Variants in RBL2 observed in about 807,000 individuals in gnomAD.
RBL2 encodes the protein retinoblastoma-like protein 2.
A neutral mutation model predicts 126.0 loss-of-function variants in RBL2; 56 were observed. The ratio of observed to expected loss-of-function variants is 0.44; its 90% CI spans 0.36 to 0.56. The LOEUF (loss-of-function observed/expected upper bound fraction) is 0.56, where lower values mean the gene tolerates loss of function less well. Ranked by LOEUF, RBL2 falls within the 20% of genes least tolerant of loss-of-function variation. The pLI, the probability that RBL2 is intolerant of heterozygous loss-of-function variation, is 0.00. For synonymous variants in RBL2, 454 were observed against 478.5 expected, an observed-to-expected ratio of 0.95 and a Z score of 0.67; for missense variants, 1,229 against 1,398.2, an observed-to-expected ratio of 0.88 and a Z score of 1.93.
chr16:53,466,623 G>C (rs1164458333), intron 13 of RBL2, among the ~76,000 whole-genome samples: 1 of 152,054 alleles, frequency 6.6e-6, no homozygotes, highest in Non-Finnish European at 1.5e-5. Context: ...ACACTCCTGT[G>C]AGAATCTAAT....
intron 17 of RBL2, among the ~76,000 whole-genome samples, chr16:53,478,708 A>G (rs1351192768): frequency 6.6e-6 from 1 of 152,042 alleles, no homozygotes; most frequent in Non-Finnish European, 1.5e-5. Flanking sequence ...TGCAACCTCC[A>G]TCTCCCAGGT....
intron 21 of RBL2, among the ~76,000 whole-genome samples, chr16:53,483,816 G>A (rs1961049451): frequency 6.6e-6 from 1 of 151,846 alleles, no homozygotes; most frequent in African/African-American, 2.4e-5. Context: ...GGCAAAGTTT[G>A]CAGTGAGCTG....
rs774110791 is a variant in RBL2 at position 53,459,621 on chromosome 16, A to G, written c.1346+4A>G. ...AGAAACTGGAACAGATTCTCAGGTT[A>G]GTTTGAGCCCTGTCTGCTTTCTAAG... On this transcript the variant is annotated splice_donor_region_variant and intron_variant, in intron 9 of 21. Coordinates refer to ENST00000262133, the MANE Select transcript of RBL2 (RefSeq NM_005611.4). The G allele has an allele frequency of 6.5e-7, 1 of 1,540,584 alleles. No individual in the cohort carries two copies. Among genetic ancestry groups the G allele is most frequent in the South Asian group, 1.2e-5 (1 of 81,106 alleles).
chr16:53,471,631 G>A (rs549380604), intron 17 of RBL2, among the ~76,000 whole-genome samples: 1 of 152,136 alleles, frequency 6.6e-6, no homozygotes, highest in South Asian at 2.1e-4. Context: ...ACCATGCCTG[G>A]CTAATTTTTG....
intron 12 of RBL2, 131 bp downstream of exon 12, chr16:53,464,494 T>C (rs2058253095): frequency 1.3e-6 from 1 of 743,602 alleles, no homozygotes; most frequent in Non-Finnish European, 2.0e-6. Context: ...TCTCTATTTG[T>C]GGAGTAGAAA....
In RBL2 at chr16:53,470,809, T is replaced by G; in HGVS notation, c.2590T>G (p.Leu864Val). ...LCAKLDISDE[L>V]RKKIWTCFEF... ...TGCCAAACTAGATATTTCAGATGAA[T>G]TGAGGAAAAAAATCTGGACCTGCTT... The change falls in exon 17 of 22, where the codon TTG (leucine) becomes GTG (valine). Residue 864 changes from leucine to valine, a missense_variant. Transcript: ENST00000262133. 1 of 1,613,950 alleles carries G rather than the reference T, an allele frequency of 6.2e-7. No individual in the cohort carries two copies. Among genetic ancestry groups the G allele is most frequent in the South Asian group, 1.1e-5 (1 of 91,080 alleles).
intron 4 of RBL2, among the ~76,000 whole-genome samples, chr16:53,450,027 G>C (rs953271413): frequency 1.4e-4 from 20 of 143,142 alleles, no homozygotes; most frequent in Non-Finnish European, 2.9e-4. Context: ...TTGTTGGTGT[G>C]ATGGGCTTTG....
chr16:53,442,361 G>T (rs975284408), intron 2 of RBL2, among the ~76,000 whole-genome samples: 2 of 152,084 alleles, frequency 1.3e-5, no homozygotes, highest in African/African-American at 4.8e-5. Flanking sequence ...AAAAAATCTG[G>T]CAGTGAACCA....
chr16:53,470,491 T>A lies in RBL2; in HGVS notation c.2354T>A (p.Leu785Gln). 3 of 1,614,156 alleles carry A rather than the reference T, an allele frequency of 1.9e-6. No homozygotes were observed. Among genetic ancestry groups the A allele is most frequent in the Non-Finnish European group, 2.5e-6 (3 of 1,180,024 alleles). Residue 785 changes from leucine to glutamine, a missense_variant, in exon 16 of 22, where the codon CTG (leucine) becomes CAG (glutamine). By Grantham distance (113) the Leu-to-Gln change is moderately radical. Around this residue, in one of 2 missense-constraint regions of RBL2, gnomAD observed 1,070 missense variants for 1,274.3 expected, o/e 0.84. Coordinates refer to ENST00000262133, the MANE Select transcript of RBL2 (RefSeq NM_005611.4). ...GSIQPLSAQA[L>Q]AGSLSSQQVT... The stretch of plus-strand genomic sequence containing the variant: ...ATCCAGCCCCTCAGTGCTCAGGCCC[T>A]GGCTGGAAGTCTGAGCTCTCAACAG...
intron 11 of RBL2, among the ~76,000 whole-genome samples, chr16:53,463,044 T>G (rs1008420656): frequency 6.6e-6 from 1 of 152,234 alleles, no homozygotes; most frequent in African/African-American, 2.4e-5. Flanking sequence ...TTTTGCCATG[T>G]TGGCCAGGCT....
intron 4 of RBL2, among the ~76,000 whole-genome samples, chr16:53,451,018 A>G (rs953096167): frequency 2.6e-5 from 4 of 152,176 alleles, no homozygotes; most frequent in African/African-American, 7.2e-5. Context: ...AATAATTTTC[A>G]TGACAGAAAA....
intron 18 of RBL2, 30 bp downstream of exon 18, chr16:53,479,255 A>C (rs751626102): frequency 7.6e-6 from 12 of 1,580,720 alleles, no homozygotes; most frequent in Non-Finnish European, 5.2e-6. Context: ...GGGCTGAAAA[A>C]TAAAGCTTAA....
At chr16:53,480,861 T>C (rs1310895917) in intron 20 of RBL2, 92 bp downstream of exon 20, 67 of 1,306,158 alleles carry the variant, frequency 5.1e-5, no homozygotes, top group Non-Finnish European at 6.9e-5. Context: ...ACCTGGTCCG[T>C]ATATAAACTA....
Position 53,481,680 on chromosome 16 carries a change from C to T in RBL2, c.3094C>T (p.Pro1032Ser). The change falls in exon 21 of 22, where the codon CCT (proline) becomes TCT (serine). Residue 1032 changes from proline (P) to serine (S), a missense_variant. Transcript: ENST00000262133. ...TTTTTTTTTTAAACAGATGGATGCT[C>T]CTCCACTCTCTCCCTATCCATTTGT... ...MKYSQANMDAPPLSPYPFVRT... is the reference protein window; with the variant it reads ...MKYSQANMDASPLSPYPFVRT... 1.2e-6 allele frequency: 2 copies of T among 1,607,508 alleles called. No homozygotes were observed. Among genetic ancestry groups the T allele is most frequent in the Non-Finnish European group, 1.7e-6 (2 of 1,176,666 alleles).
chr16:53,466,757 C>A, intron 13 of RBL2: 1 of 237,842 alleles, frequency 4.2e-6, no homozygotes, highest in Non-Finnish European at 8.2e-6. Flanking sequence ...TGCTATGTTG[C>A]CCAGTTCCTA....
chr16:53,453,661 C>T, intron 6 of RBL2, 44 bp from the exon 7 acceptor site: 1 of 1,602,320 alleles, frequency 6.2e-7, no homozygotes, highest in Non-Finnish European at 8.5e-7. Flanking sequence ...TGGAGAAAAA[C>T]TTGATTTAAC....
rs761724017 is a variant in RBL2 at position 53,459,637 on chromosome 16, G to T, written c.1346+20G>T. 9.3e-6 allele frequency: 14 copies of T among 1,508,638 alleles called. No individual in the cohort carries two copies. The Admixed American group carries it at 1.2e-4, about 13-fold the overall frequency. 93.5% of individuals were successfully genotyped at this position (1,508,638 alleles called of 1,614,324 possible). On this transcript the variant is annotated intron_variant, in intron 9 of 21. Coordinates refer to ENST00000262133, the MANE Select transcript of RBL2 (RefSeq NM_005611.4). Reference sequence around the variant, plus strand: ...TCTCAGGTTAGTTTGAGCCCTGTCTGCTTTCTAAGATTTGGTTATTGACCA... The same window carrying T: ...TCTCAGGTTAGTTTGAGCCCTGTCTTCTTTCTAAGATTTGGTTATTGACCA...
chr16:53,484,986 A>G (rs1961103908), intron 21 of RBL2, among the ~76,000 whole-genome samples: 1 of 142,934 alleles, frequency 7.0e-6, no homozygotes, highest in Non-Finnish European at 1.6e-5. Context: ...TATTATAAAG[A>G]GGACATATAA....
intron 4 of RBL2, among the ~76,000 whole-genome samples, chr16:53,450,752 C>T (rs1305529685): frequency 6.6e-6 from 1 of 151,980 alleles, no homozygotes; most frequent in African/African-American, 2.4e-5. Context: ...TAATGGTACT[C>T]CTGTTGCATT....
Sources: allele counts gnomAD v4.1 joint callset (sites outside exome capture counted in the v4.1 genomes callset), GRCh38; gene constraint gnomAD v4.1.1; regional missense constraint gnomAD v4.1.1; transcripts MANE v1.5; gene names NCBI Gene and HGNC (gene_info 2026-07-23, HGNC 2026-07-21).